The following INPP4B variants were observed in gnomAD, a reference collection of about 807,000 sequenced individuals.
The protein encoded by INPP4B is inositol polyphosphate 4-phosphatase type II.
In INPP4B, 55 loss-of-function variants were observed where a neutral mutation model predicts 122.5. That is an observed-to-expected ratio of 0.45 (90% CI 0.36 to 0.56). The LOEUF (loss-of-function observed/expected upper bound fraction) is 0.56, where lower values mean the gene tolerates loss of function less well. INPP4B is among the 20% of genes least tolerant of loss of function. The probability of loss-of-function intolerance (pLI) is 0.00; values close to 1 mark genes in which losing one functional copy is unlikely to be tolerated. For missense variants in INPP4B, 1,000 were observed against 1,097.7 expected, an observed-to-expected ratio of 0.91 and a Z score of 1.26; for synonymous variants, 403 against 388.7, an observed-to-expected ratio of 1.04 and a Z score of -0.43.
intron 7 of INPP4B, among the ~76,000 whole-genome samples, chr4:142,352,841 AGGAG>A (rs1782349908): frequency 6.6e-6 from 1 of 152,040 alleles, no homozygotes. Flanking sequence ...CCTGTTGTGT[AGGAG>A]GCAATATCCT....
chr4:142,057,470 G>T (rs1036257772), intron 25 of INPP4B, among the ~76,000 whole-genome samples: 5 of 151,112 alleles, frequency 3.3e-5, no homozygotes, highest in African/African-American at 9.7e-5. Flanking sequence ...TTCTAAGTAG[G>T]TATTTTAAAA....
At chr4:142,546,908 G>A (rs1829705572) in intron 2 of INPP4B, among the ~76,000 whole-genome samples, 1 of 152,006 alleles carries the variant, frequency 6.6e-6, no homozygotes, top group African/African-American at 2.4e-5. Context: ...AAAGAATATA[G>A]AAAGTATCTA....
intron 23 of INPP4B, among the ~76,000 whole-genome samples, chr4:142,086,515 A>T (rs1028910265): frequency 5.3e-5 from 8 of 152,038 alleles, no homozygotes; most frequent in Non-Finnish European, 1.2e-4. Flanking sequence ...CACCATGCCC[A>T]GCTACTTTTT....
intron 1 of INPP4B, among the ~76,000 whole-genome samples, chr4:142,756,327 G>A (rs1355591080): frequency 4.6e-5 from 7 of 151,998 alleles, no homozygotes; most frequent in African/African-American, 1.4e-4. Context: ...AAACTGCGGC[G>A]TTAACAAAAT....
chr4:142,109,978 C>T (rs1456862033), intron 22 of INPP4B, among the ~76,000 whole-genome samples: 1 of 152,076 alleles, frequency 6.6e-6, no homozygotes, highest in Non-Finnish European at 1.5e-5. Context: ...GAGGAGTTTC[C>T]ATAGAATCTG....
chr4:142,172,203 C>T (rs971857489), intron 16 of INPP4B, among the ~76,000 whole-genome samples: 10 of 151,764 alleles, frequency 6.6e-5, no homozygotes, highest in Middle Eastern at 3.2e-3. Context: ...ATATATTAGA[C>T]GGAGGGCGCT....
intron 9 of INPP4B, among the ~76,000 whole-genome samples, chr4:142,302,324 C>A (rs755352012): frequency 6.6e-6 from 1 of 152,094 alleles, no homozygotes; most frequent in Non-Finnish European, 1.5e-5. Context: ...TGGTTCTGGG[C>A]CTGAGTCCTT....
At chr4:142,645,223 A>C (rs1021596389) in intron 2 of INPP4B, among the ~76,000 whole-genome samples, 1 of 152,212 alleles carries the variant, frequency 6.6e-6, no homozygotes, top group African/African-American at 2.4e-5. Context: ...GAATTGGACA[A>C]AATTTTAATA....
intron 2 of INPP4B, among the ~76,000 whole-genome samples, chr4:142,671,232 C>A (rs1040320946): frequency 6.6e-6 from 1 of 152,036 alleles, no homozygotes; most frequent in Non-Finnish European, 1.5e-5. Flanking sequence ...TAAGGCCTGG[C>A]GATCCACCAA....
intron 2 of INPP4B, among the ~76,000 whole-genome samples, chr4:142,493,126 G>A (rs920511489): frequency 3.3e-5 from 5 of 152,214 alleles, no homozygotes; most frequent in African/African-American, 1.2e-4. Context: ...GGACCTGTGG[G>A]TGCACAGAAG....
At chr4:142,782,816 G>T (rs1775090469) in intron 1 of INPP4B, among the ~76,000 whole-genome samples, 1 of 151,702 alleles carries the variant, frequency 6.6e-6, no homozygotes, top group South Asian at 2.1e-4. Context: ...CCAAAACAGA[G>T]ATATAGATCA....
intron 7 of INPP4B, among the ~76,000 whole-genome samples, chr4:142,357,358 T>C (rs577061288): frequency 7.2e-5 from 11 of 152,136 alleles, no homozygotes; most frequent in Admixed American, 4.6e-4. Flanking sequence ...AGAATTAAAT[T>C]GCTGAACACA....
rs531414202 is a variant in INPP4B, at chr4:142,396,017, T to C, written c.372+6921A>G. 3.7e-4 allele frequency among the ~76,000 whole-genome samples: 57 copies of C among 152,286 alleles called. 1 individual carries two copies. Among genetic ancestry groups the C allele is most frequent in the African/African-American group, 1.3e-3 (56 of 41,584 alleles). ...ATAGTTAAAAATACTGTACTGTATA[T>C]TTAAGATTTTTTAAGAGGTTAAATC... On this transcript the variant is annotated intron_variant, in intron 7 of 25. Coordinates refer to ENST00000262992, the MANE Select transcript of INPP4B (RefSeq NM_001101669.3).
rs116526974 is a variant in INPP4B at position 142,591,002 on chromosome 4, G to A, written c.-190-128276C>T. On this transcript the variant is annotated intron_variant, in intron 2 of 25. Transcript: ENST00000262992. ...GCTGGTAGTTCCAGAAAGAAAAGAA[G>A]TAATCAAAAAAAGAAAGAGAAAAAA... Among the ~76,000 whole-genome samples, 383 of 151,928 alleles carry A rather than the reference G, an allele frequency of 2.5e-3. 5 individuals carry two copies. The highest frequency in any genetic ancestry group is 8.8e-3 in the African/African-American group (364 of 41,456).
chr4:142,515,176 A>T (rs1323866671), intron 2 of INPP4B, among the ~76,000 whole-genome samples: 2 of 152,056 alleles, frequency 1.3e-5, no homozygotes, highest in East Asian at 3.9e-4. Flanking sequence ...ATGCCAAATT[A>T]CTCTTTGAAT....
At chr4:142,489,285 T>C (rs1821572386) in intron 2 of INPP4B, among the ~76,000 whole-genome samples, 1 of 152,214 alleles carries the variant, frequency 6.6e-6, no homozygotes, top group South Asian at 2.1e-4. Flanking sequence ...GCATGTGCTC[T>C]ATTTTGGTGA....
At chr4:142,475,379 A>G (rs1819636733) in intron 2 of INPP4B, among the ~76,000 whole-genome samples, 1 of 152,144 alleles carries the variant, frequency 6.6e-6, no homozygotes, top group Admixed American at 6.5e-5. Context: ...ATATCAGCTC[A>G]CACAGATGAG....
rs541779184 is a variant in INPP4B at position 142,343,642 on chromosome 4, A to T, written c.373-28880T>A. ...AACAGACTAATGACCAATAGCTCAA[A>T]ATCATCCCTTTTATGATTACTTTTA... is the stretch of plus-strand genomic sequence containing the variant. On this transcript the variant is annotated intron_variant, in intron 7 of 25. Transcript: ENST00000262992. 3.3e-5 allele frequency among the ~76,000 whole-genome samples: 5 copies of T among 152,184 alleles called. No individual in the cohort carries two copies. The South Asian group carries it at 1.0e-3, about 32-fold the overall frequency.
intron 2 of INPP4B, among the ~76,000 whole-genome samples, chr4:142,573,187 C>A (rs1733186500): frequency 6.6e-6 from 1 of 151,904 alleles, no homozygotes; most frequent in Non-Finnish European, 1.5e-5. Flanking sequence ...TTTAAACAAC[C>A]AGATCTCGCT....
Sources: gnomAD v4.1 joint callset for allele counts (sites outside exome capture counted in the v4.1 genomes callset) on GRCh38, gnomAD v4.1.1 for gene constraint, MANE v1.5 for transcripts, NCBI Gene and HGNC (gene_info 2026-07-23, HGNC 2026-07-21) for gene names.